Variants in CORIN observed in about 807,000 individuals in gnomAD.
CORIN encodes the protein atrial natriuretic peptide-converting enzyme.
CORIN carries 117 observed loss-of-function variants against 125.3 expected under a neutral mutation model. That is an observed-to-expected ratio of 0.93 (90% CI 0.80 to 1.09). CORIN has a LOEUF of 1.09. Among genes scored for constraint, CORIN ranks in the 50% least tolerant of loss-of-function variants. The probability of loss-of-function intolerance (pLI) is 0.00; values close to 1 mark genes in which losing one functional copy is unlikely to be tolerated. For missense variants in CORIN, 1,253 were observed against 1,306.7 expected (o/e 0.96, Z 0.63); for synonymous variants, 450 against 466.4 (o/e 0.96, Z 0.45).
intron 19 of CORIN, among the ~76,000 whole-genome samples, chr4:47,611,477 T>G (rs1721866657): frequency 6.6e-6 from 1 of 152,188 alleles, no homozygotes; most frequent in South Asian, 2.1e-4. Context: ...TGCTTATCAG[T>G]TTAAGAAGCT....
At chr4:47,676,513 G>A (rs909315137) in intron 9 of CORIN, among the ~76,000 whole-genome samples, 1 of 152,126 alleles carries the variant, frequency 6.6e-6, no homozygotes, top group African/African-American at 2.4e-5. Flanking sequence ...CTCTGTTGCT[G>A]CATGGTTAAG....
Position 47,626,432 on chromosome 4 carries a change from G to A in CORIN, c.2288C>T (p.Thr763Ile), listed in dbSNP as rs534694649. ...LHSNWESLNG[T>I]TLHELLVNGQ... ...ATTTACTAGAAGTTCATGTAAAGTG[G>A]TCCCATTGAGGCTCTCCCAGTTGGA... The change falls in exon 17 of 22, where the codon ACC becomes ATC. Residue 763 changes from threonine to isoleucine, a missense_variant. Transcript: ENST00000273857. The A allele has an allele frequency of 5.0e-6, 8 of 1,611,582 alleles. No homozygotes were observed. The African/African-American group carries it at 5.3e-5, about 11-fold the overall frequency.
At chr4:47,626,563 G>T in intron 16 of CORIN, 42 bp from the exon 17 acceptor site, 1 of 1,227,664 alleles carries the variant, frequency 8.1e-7, no homozygotes, top group South Asian at 1.2e-5. Flanking sequence ...AAAGTACAAT[G>T]ATCTTTGAAC....
intron 11 of CORIN, among the ~76,000 whole-genome samples, chr4:47,663,707 T>C (rs1313109017): frequency 1.3e-5 from 2 of 152,186 alleles, no homozygotes; most frequent in Admixed American, 6.6e-5. Flanking sequence ...ATGCCAGAAA[T>C]TGTTAAGTAC....
chr4:47,786,446 C>T (rs1380034580), intron 3 of CORIN, among the ~76,000 whole-genome samples: 3 of 152,154 alleles, frequency 2.0e-5, no homozygotes, highest in African/African-American at 7.2e-5. Context: ...GAGGCTGAGG[C>T]AGGAGAATTG....
intron 1 of CORIN, among the ~76,000 whole-genome samples, chr4:47,825,365 G>C (rs2109981711): frequency 6.6e-6 from 1 of 152,302 alleles, no homozygotes; most frequent in South Asian, 2.1e-4. Flanking sequence ...CCTATCTGCG[G>C]CTAATTAGCA....
intron 2 of CORIN, among the ~76,000 whole-genome samples, chr4:47,788,351 GC>G (rs1323962864): frequency 2.0e-5 from 3 of 152,168 alleles, no homozygotes; most frequent in Admixed American, 6.5e-5. Context: ...TAGAAAAGCA[GC>G]TGTTTCTAGC....
At chr4:47,699,580 C>T (rs1726191422) in intron 5 of CORIN, among the ~76,000 whole-genome samples, 2 of 152,148 alleles carry the variant, frequency 1.3e-5, no homozygotes, top group Admixed American at 1.3e-4. Context: ...ATAGAACTGA[C>T]ACATTATACG....
In CORIN at chr4:47,806,989, G is replaced by C. The variant is rs61756980; in HGVS notation, c.122C>G (p.Ala41Gly). 1.0e-3 allele frequency: 1,611 copies of C among 1,613,960 alleles called. 1 individual carries two copies. Among genetic ancestry groups the C allele is most frequent in the Non-Finnish European group, 1.3e-3 (1,495 of 1,179,870 alleles). ...GNGCSQKLATANLLRFLLLVL... is the reference protein window; with the variant it reads ...GNGCSQKLATGNLLRFLLLVL... The stretch of plus-strand genomic sequence containing the variant: ...CAGCAATAGGAACCGGAGGAGGTTA[G>C]CAGTCGCCAGCTTCTGAGAGCAGCC... Residue 41 changes from alanine to glycine, a missense_variant, in exon 2 of 22, where the codon GCT becomes GGT. Physicochemically the swap from Ala to Gly is moderately conservative, Grantham distance 60 (BLOSUM62 0). Transcript: ENST00000273857.
chr4:47,751,876 A>G (rs539984867), intron 4 of CORIN, among the ~76,000 whole-genome samples: 2 of 152,314 alleles, frequency 1.3e-5, no homozygotes, highest in East Asian at 1.9e-4. Flanking sequence ...TTTTCCAGGT[A>G]TCTTTGTTGA....
chr4:47,721,021 C>G (rs998466551), intron 5 of CORIN, among the ~76,000 whole-genome samples: 2 of 152,172 alleles, frequency 1.3e-5, no homozygotes, highest in African/African-American at 4.8e-5. Flanking sequence ...CAGACTACCA[C>G]AGATGGGGTG....
intron 4 of CORIN, among the ~76,000 whole-genome samples, chr4:47,753,520 C>T (rs1241818197): frequency 6.6e-6 from 1 of 152,080 alleles, no homozygotes; most frequent in African/African-American, 2.4e-5. Context: ...AGACAGACAA[C>T]CCCAGAGTGG....
intron 1 of CORIN, among the ~76,000 whole-genome samples, chr4:47,822,112 T>C (rs1732542678): frequency 6.6e-6 from 1 of 152,214 alleles, no homozygotes; most frequent in Non-Finnish European, 1.5e-5. Context: ...TTAGGGTAGA[T>C]TTTTTAAAAA....
chr4:47,701,046 G>A (rs1013936223), intron 5 of CORIN, among the ~76,000 whole-genome samples: 2 of 152,092 alleles, frequency 1.3e-5, no homozygotes, highest in Admixed American at 1.3e-4. Flanking sequence ...CACATTTTTG[G>A]TGAAAAGTAG....
At chr4:47,663,070 C>A (rs3805390) in intron 11 of CORIN, among the ~76,000 whole-genome samples, 18,480 of 152,084 alleles carry the variant, frequency 0.12, 1,586 homozygotes, top group African/African-American at 0.24. Flanking sequence ...TCATATGATA[C>A]TTATTTGTAC....
At chr4:47,660,225 T>TGAAACTAC in intron 12 of CORIN, among the ~76,000 whole-genome samples, 1 of 152,300 alleles carries the variant, frequency 6.6e-6, no homozygotes, top group Middle Eastern at 3.4e-3. Context: ...CTTCAAACTA[T>TGAAACTAC]GAAACTACTA....
At position 47,692,932 on chromosome 4, in the gene CORIN, T is replaced by C. The variant is rs778206544; in HGVS notation, c.913+38A>G. ...ATGATTGTCAGGATTTGAGAATCCC[T>C]GTCCACTCAGACAAACCCTAAACAG... On this transcript the variant is annotated intron_variant, in intron 6 of 21. Transcript: ENST00000273857. The C allele has an allele frequency of 6.9e-6, 10 of 1,447,950 alleles. No homozygotes were observed. In the South Asian group the frequency reaches 1.1e-4, roughly 17 times the overall value. 89.7% of individuals were successfully genotyped at this position (1,447,950 alleles called of 1,614,324 possible).
intron 3 of CORIN, among the ~76,000 whole-genome samples, chr4:47,767,458 G>A (rs1334140509): frequency 6.6e-6 from 1 of 152,036 alleles, no homozygotes; most frequent in Non-Finnish European, 1.5e-5. Flanking sequence ...CACAGATAAG[G>A]TTAACAATAA....
chr4:47,727,246 A>C (rs896413017), intron 5 of CORIN, among the ~76,000 whole-genome samples: 4 of 152,106 alleles, frequency 2.6e-5, no homozygotes, highest in Non-Finnish European at 5.9e-5. Flanking sequence ...TATTCAATAA[A>C]ACTCTTTCTA....
Sources: gnomAD v4.1 joint callset for allele counts (sites outside exome capture counted in the v4.1 genomes callset) on GRCh38, gnomAD v4.1.1 for gene constraint, MANE v1.5 for transcripts, NCBI Gene and HGNC (gene_info 2026-07-23, HGNC 2026-07-21) for gene names.